CSMD3: variants seen among roughly 807,000 people sequenced by gnomAD.
CSMD3 encodes CUB and Sushi multiple domains 3.
Under a neutral mutation model 435.2 loss-of-function variants are expected in CSMD3, and 177 were observed. The ratio of observed to expected loss-of-function variants is 0.41; its 90% CI spans 0.36 to 0.46. The LOEUF is 0.46. Ranked by LOEUF, CSMD3 falls within the 20% of genes least tolerant of loss-of-function variation. The pLI, the probability that CSMD3 is intolerant of heterozygous loss-of-function variation, is 0.34. For missense variants in CSMD3, 4,265 were observed against 4,504.6 expected (o/e 0.95, Z 1.52); for synonymous variants, 1,656 against 1,520.5 (o/e 1.09, Z -2.07).
At chr8:112,762,077 C>T (rs1587211777) in intron 13 of CSMD3, among the ~76,000 whole-genome samples, 1 of 151,998 alleles carries the variant, frequency 6.6e-6, no homozygotes, top group South Asian at 2.1e-4. Flanking sequence ...AATACAGATG[C>T]TTTGCGTAAG....
rs73702286 is a variant in CSMD3, at chr8:113,079,547, G to A, written c.917+19209C>T. On this transcript the variant is annotated intron_variant, in intron 5 of 70. Transcript: ENST00000297405. ...TCTGAGGTTGCATCATGAGTTTCAGGGATTTGGTGACCTTATTAGAGAAAA... is the reference window on the plus strand; with the variant it reads ...TCTGAGGTTGCATCATGAGTTTCAGAGATTTGGTGACCTTATTAGAGAAAA... Among the ~76,000 whole-genome samples, 1,191 of 151,842 alleles carry A rather than the reference G, an allele frequency of 7.8e-3. 16 individuals are homozygous for A. Among genetic ancestry groups the A allele is most frequent in the African/African-American group, 0.027 (1,130 of 41,398 alleles).
At chr8:112,941,300 G>C (rs962293735) in intron 9 of CSMD3, among the ~76,000 whole-genome samples, 3 of 151,792 alleles carry the variant, frequency 2.0e-5, no homozygotes, top group African/African-American at 7.2e-5. Context: ...GGAAGATTGG[G>C]AATATTTTGA....
chr8:112,515,629 G>C (rs1264133638), intron 28 of CSMD3, among the ~76,000 whole-genome samples: 1 of 152,020 alleles, frequency 6.6e-6, no homozygotes, highest in Non-Finnish European at 1.5e-5. Context: ...TAGTGTAATG[G>C]GAGATACAGC....
intron 1 of CSMD3, among the ~76,000 whole-genome samples, chr8:113,379,102 A>G (rs1485578099): frequency 6.6e-6 from 1 of 152,156 alleles, no homozygotes; most frequent in East Asian, 1.9e-4. Flanking sequence ...TCTGGGAAAT[A>G]GTGGGTTAAT....
chr8:113,102,179 CAGG>C (rs1187829907), intron 4 of CSMD3, among the ~76,000 whole-genome samples: 2 of 152,050 alleles, frequency 1.3e-5, no homozygotes. Context: ...TCACAGCCTC[CAGG>C]CTTGCTTGAT....
chr8:113,187,705 AT>A (rs1322999704), intron 3 of CSMD3, among the ~76,000 whole-genome samples: 5 of 152,096 alleles, frequency 3.3e-5, no homozygotes, highest in African/African-American at 1.2e-4. Context: ...GATTAGTAGA[AT>A]TTATTCAATC....
intron 58 of CSMD3, among the ~76,000 whole-genome samples, chr8:112,283,795 T>C (rs1200375207): frequency 6.6e-6 from 1 of 151,764 alleles, no homozygotes; most frequent in Non-Finnish European, 1.5e-5. Flanking sequence ...GTTCTATGTT[T>C]AAGATAAATA....
chr8:112,773,254 A>G (rs1440586938), intron 13 of CSMD3, among the ~76,000 whole-genome samples: 1 of 152,096 alleles, frequency 6.6e-6, no homozygotes, highest in Non-Finnish European at 1.5e-5. Context: ...TTGATTTAGT[A>G]TCCTTGAAAA....
At chr8:112,886,549 G>A (rs2081605126) in intron 10 of CSMD3, among the ~76,000 whole-genome samples, 1 of 151,032 alleles carries the variant, frequency 6.6e-6, no homozygotes, top group Non-Finnish European at 1.5e-5. Flanking sequence ...TACAGATGAT[G>A]GCAAACACAA....
chr8:112,805,141 T>G (rs765270024), intron 12 of CSMD3, among the ~76,000 whole-genome samples: 26 of 152,152 alleles, frequency 1.7e-4, no homozygotes, highest in Non-Finnish European at 8.8e-5. Flanking sequence ...GATCCTCCTG[T>G]AAACCTATTG....
rs138282994 is a variant in CSMD3, at chr8:113,066,703, C to T, written c.917+32053G>A. On this transcript the variant is annotated intron_variant, in intron 5 of 70. Coordinates refer to ENST00000297405, the MANE Select transcript of CSMD3 (RefSeq NM_198123.2). ...AAAGGGGGATAAATCAGAATCTGGT[C>T]TCATTTATGACTCTAATTTACAAAG... Among the ~76,000 whole-genome samples the T allele has an allele frequency of 3.3e-3, 501 of 152,066 alleles. 3 individuals carry two copies. The highest frequency in any genetic ancestry group is 0.01 in the African/African-American group (431 of 41,524).
At chr8:112,932,787 G>C (rs1362590339) in intron 9 of CSMD3, among the ~76,000 whole-genome samples, 1 of 152,124 alleles carries the variant, frequency 6.6e-6, no homozygotes, top group African/African-American at 2.4e-5. Context: ...GGTGACTATA[G>C]TTAACAAGAT....
Position 113,172,571 on chromosome 8 carries a change from GTGTTT to G in CSMD3, c.709+1146_709+1150del, listed in dbSNP as rs1230287050. ...TCACAAGAAATGGAACAGGTGTTTT[GTGTTT>G]TGTTTTGTTTTCATTAGTTAAATGA... On this transcript the variant is annotated intron_variant, in intron 4 of 70. Transcript: ENST00000297405. Among the ~76,000 whole-genome samples the G allele has an allele frequency of 2.6e-5, 4 of 152,242 alleles. No individual in the cohort carries two copies. The East Asian group carries it at 7.7e-4, about 29-fold the overall frequency.
chr8:112,268,088 A>C (rs1425827252), intron 59 of CSMD3, among the ~76,000 whole-genome samples: 1 of 152,174 alleles, frequency 6.6e-6, no homozygotes, highest in Non-Finnish European at 1.5e-5. Context: ...TTAAATACCC[A>C]TCTCTCTCAC....
At chr8:113,024,565 T>A (rs1295338539) in intron 5 of CSMD3, among the ~76,000 whole-genome samples, 1 of 152,190 alleles carries the variant, frequency 6.6e-6, no homozygotes, top group Non-Finnish European at 1.5e-5. Flanking sequence ...TAATATATAT[T>A]CTTGTCAACA....
intron 4 of CSMD3, among the ~76,000 whole-genome samples, chr8:113,101,033 A>G (rs539546017): frequency 2.0e-5 from 3 of 152,188 alleles, no homozygotes; most frequent in South Asian, 4.2e-4. Flanking sequence ...AGTAGGAAGG[A>G]TCAGAGGATC....
chr8:112,960,397 A>G (rs1438532941), intron 7 of CSMD3, among the ~76,000 whole-genome samples: 7 of 151,766 alleles, frequency 4.6e-5, no homozygotes, highest in Admixed American at 4.6e-4. Context: ...TTAATAATAC[A>G]ATCTTCTGAG....
At chr8:113,359,380 T>C (rs1372969194) in intron 1 of CSMD3, among the ~76,000 whole-genome samples, 1 of 152,186 alleles carries the variant, frequency 6.6e-6, no homozygotes. Flanking sequence ...GGTGGTTTAA[T>C]TGTGTAGTAA....
At chr8:112,916,123 G>C (rs2082564117) in intron 10 of CSMD3, among the ~76,000 whole-genome samples, 1 of 151,790 alleles carries the variant, frequency 6.6e-6, no homozygotes, top group Non-Finnish European at 1.5e-5. Flanking sequence ...TGTTCTCTTT[G>C]ATATCTGTGG....
Sources: allele counts gnomAD v4.1 joint callset (sites outside exome capture counted in the v4.1 genomes callset), GRCh38; gene constraint gnomAD v4.1.1; transcripts MANE v1.5; gene names NCBI Gene and HGNC (gene_info 2026-07-23, HGNC 2026-07-21).